DPY19L1: variants seen among roughly 807,000 people sequenced by gnomAD.
DPY19L1 encodes dpy-19 like C-mannosyltransferase 1.
DPY19L1 carries 35 observed loss-of-function variants against 96.9 expected under a neutral mutation model. The ratio of observed to expected loss-of-function variants is 0.36; its 90% CI spans 0.28 to 0.48. DPY19L1 has a LOEUF of 0.48. Ranked by LOEUF, DPY19L1 falls within the 20% of genes least tolerant of loss-of-function variation. The pLI is 0.99. For missense variants in DPY19L1, 521 were observed against 777.9 expected (o/e 0.67, Z 3.93); for synonymous variants, 205 against 252.6 (o/e 0.81, Z 1.79).
intron 13 of DPY19L1, among the ~76,000 whole-genome samples, chr7:34,953,225 A>T (rs772566444): frequency 1.3e-5 from 2 of 152,208 alleles, no homozygotes; most frequent in African/African-American, 4.8e-5. Context: ...CAATGCCCTT[A>T]ATCAACGTTA....
chr7:34,997,872 C>CT (rs1487698192), intron 6 of DPY19L1, among the ~76,000 whole-genome samples: 1 of 152,102 alleles, frequency 6.6e-6, no homozygotes, highest in Non-Finnish European at 1.5e-5. Flanking sequence ...TTCCATTCTG[C>CT]TACAGAGCCT....
chr7:34,951,222 G>T (rs2128784682), intron 13 of DPY19L1, among the ~76,000 whole-genome samples: 1 of 152,192 alleles, frequency 6.6e-6, no homozygotes, highest in East Asian at 1.9e-4. Flanking sequence ...AGTGTTCATT[G>T]CAAATGTTAA....
At chr7:34,959,914 T>TATATTTATATATATATATATATATAA (rs1562806899) in intron 10 of DPY19L1, among the ~76,000 whole-genome samples, 1 of 10,616 alleles carries the variant, frequency 9.4e-5, no homozygotes, top group Non-Finnish European at 1.7e-4. Context: ...TATATATATA[T>TATATTTATATATATATATATATATAA]ATATATATAT....
intron 14 of DPY19L1, among the ~76,000 whole-genome samples, chr7:34,948,335 T>C (rs990131475): frequency 6.6e-6 from 1 of 152,192 alleles, no homozygotes; most frequent in African/African-American, 2.4e-5. Flanking sequence ...TCATTTTGTT[T>C]ACTCCCTTAT....
chr7:34,990,312 T>C (rs1785140126), intron 6 of DPY19L1, among the ~76,000 whole-genome samples: 1 of 152,150 alleles, frequency 6.6e-6, no homozygotes, highest in South Asian at 2.1e-4. Context: ...ACTGCTTTCC[T>C]TGGGACAGAT....
intron 21 of DPY19L1, among the ~76,000 whole-genome samples, chr7:34,935,157 G>A (rs138231642): frequency 2.2e-3 from 335 of 152,214 alleles, no homozygotes; most frequent in Non-Finnish European, 3.4e-3. Context: ...AACACTGAGG[G>A]CCCACGGTGG....
chr7:34,979,118 C>T (rs1190272955), intron 7 of DPY19L1, among the ~76,000 whole-genome samples: 3 of 152,074 alleles, frequency 2.0e-5, no homozygotes, highest in Admixed American at 1.3e-4. Flanking sequence ...TCAGTATATC[C>T]TATCCAAATT....
chr7:34,945,805 T>A (rs1309728557), intron 15 of DPY19L1, 89 bp from the exon 16 acceptor site: 3 of 879,406 alleles, frequency 3.4e-6, no homozygotes, highest in Non-Finnish European at 5.4e-6. Flanking sequence ...TAAAATAACT[T>A]TTAATGAAAA....
chr7:34,969,784 T>C (rs140197484), intron 8 of DPY19L1, among the ~76,000 whole-genome samples: 2,232 of 152,294 alleles, frequency 0.015, 26 homozygotes, highest in Non-Finnish European at 0.023. Flanking sequence ...CATGAACATT[T>C]TTTTCAAATT....
intron 3 of DPY19L1, among the ~76,000 whole-genome samples, chr7:35,014,648 A>G (rs1400227034): frequency 1.3e-5 from 2 of 151,988 alleles, no homozygotes; most frequent in East Asian, 3.9e-4. Context: ...TGATGTATCG[A>G]CTCTGATACC....
At chr7:35,001,371 A>G (rs1245127670) in intron 6 of DPY19L1, among the ~76,000 whole-genome samples, 1 of 152,168 alleles carries the variant, frequency 6.6e-6, no homozygotes, top group Admixed American at 6.5e-5. Context: ...TTTTATTATT[A>G]ATTAATTTAT....
intron 2 of DPY19L1, 62 bp from the exon 3 acceptor site, chr7:35,018,031 TAAGCTAAAAGC>T: frequency 7.8e-7 from 1 of 1,277,628 alleles, no homozygotes; most frequent in Non-Finnish European, 1.1e-6. Context: ...TTTTTTAAAG[TAAGCTAAAAGC>T]AAAAATAAAA....
chr7:35,030,321 A>G (rs1786230298), intron 1 of DPY19L1, among the ~76,000 whole-genome samples: 1 of 152,200 alleles, frequency 6.6e-6, no homozygotes, highest in Non-Finnish European at 1.5e-5. Context: ...GCTCTTCTCA[A>G]TTACAACAAT....
At chr7:35,028,910 A>G (rs576033549) in intron 1 of DPY19L1, among the ~76,000 whole-genome samples, 1 of 152,268 alleles carries the variant, frequency 6.6e-6, no homozygotes, top group South Asian at 2.1e-4. Flanking sequence ...GCACTGGTGG[A>G]TATGTCTTTT....
At chr7:34,999,368 G>A (rs1208023558) in intron 6 of DPY19L1, among the ~76,000 whole-genome samples, 1 of 152,112 alleles carries the variant, frequency 6.6e-6, no homozygotes, top group Admixed American at 6.6e-5. Flanking sequence ...CAGTAATTGA[G>A]TACAAAAATA....
chr7:34,938,769 A>T (rs866547541), intron 20 of DPY19L1, among the ~76,000 whole-genome samples: 3 of 152,288 alleles, frequency 2.0e-5, no homozygotes, highest in South Asian at 4.1e-4. Context: ...TGGACAACAC[A>T]TCTCTAAATT....
intron 7 of DPY19L1, among the ~76,000 whole-genome samples, chr7:34,975,521 A>G (rs1351543108): frequency 6.6e-6 from 1 of 152,238 alleles, no homozygotes; most frequent in East Asian, 1.9e-4. Context: ...AAGGTACAAC[A>G]GCAATGCTGA....
intron 1 of DPY19L1, among the ~76,000 whole-genome samples, chr7:35,033,947 A>G (rs1786325265): frequency 6.6e-6 from 1 of 152,070 alleles, no homozygotes; most frequent in African/African-American, 2.4e-5. Context: ...AAAATCCTGC[A>G]GTGCACAGGA....
chr7:34,986,761 C>T (rs1221588521), intron 7 of DPY19L1, among the ~76,000 whole-genome samples: 1 of 152,002 alleles, frequency 6.6e-6, no homozygotes, highest in Non-Finnish European at 1.5e-5. Flanking sequence ...TAGATATGAA[C>T]CTCAAGGCAA....
Sources: allele counts gnomAD v4.1 joint callset (sites outside exome capture counted in the v4.1 genomes callset), GRCh38; gene constraint gnomAD v4.1.1; transcripts MANE v1.5; gene names NCBI Gene and HGNC (gene_info 2026-07-23, HGNC 2026-07-21).